PAPPA2: variants seen among roughly 807,000 people sequenced by gnomAD.
PAPPA2 encodes pappalysin 2, also known as pappalysin-2.
In PAPPA2, 86 loss-of-function variants were observed where a neutral mutation model predicts 176.4. The observed-to-expected ratio is 0.49, with a 90% CI of 0.41 to 0.58. The LOEUF is 0.58. Ranked by LOEUF, PAPPA2 falls within the 20% of genes least tolerant of loss-of-function variation. PAPPA2 has a pLI of 0.00. For synonymous variants in PAPPA2, 809 were observed against 852.2 expected, an observed-to-expected ratio of 0.95 and a Z score of 0.88; for missense variants, 2,073 against 2,256.9, an observed-to-expected ratio of 0.92 and a Z score of 1.65.
chr1:176,683,878 C>T (rs976974941), intron 4 of PAPPA2, among the ~76,000 whole-genome samples: 5 of 152,134 alleles, frequency 3.3e-5, no homozygotes, highest in African/African-American at 4.8e-5. Flanking sequence ...TTTCCCAGCT[C>T]GAAAGTCAAG....
At chr1:176,551,358 C>A (rs1650938120) in intron 1 of PAPPA2, among the ~76,000 whole-genome samples, 1 of 152,156 alleles carries the variant, frequency 6.6e-6, no homozygotes, top group Admixed American at 6.5e-5. Context: ...ATAGATTCCG[C>A]ATTTGGTTGT....
intron 6 of PAPPA2, among the ~76,000 whole-genome samples, chr1:176,693,191 G>A (rs1660203593): frequency 6.6e-6 from 1 of 152,176 alleles, no homozygotes; most frequent in Non-Finnish European, 1.5e-5. Context: ...GCTGTATTCT[G>A]AATGACGACA....
chr1:176,769,927 C>G (rs962203983), intron 16 of PAPPA2, 143 bp downstream of exon 16: 3 of 872,170 alleles, frequency 3.4e-6, no homozygotes, highest in Non-Finnish European at 5.1e-6. Flanking sequence ...CCAGAAAAGT[C>G]CCAAAAGGCA....
chr1:176,800,019 G>A (rs769879618), intron 20 of PAPPA2, 42 bp from the exon 21 acceptor site: 2 of 1,604,978 alleles, frequency 1.2e-6, no homozygotes, highest in Non-Finnish European at 1.7e-6. Flanking sequence ...CACAACAAAT[G>A]TCTTTAATTT....
intron 6 of PAPPA2, among the ~76,000 whole-genome samples, chr1:176,695,134 T>C (rs1394014181): frequency 6.6e-6 from 1 of 152,170 alleles, no homozygotes; most frequent in African/African-American, 2.4e-5. Context: ...GCGCTGGAAA[T>C]ATAAATCTCA....
At chr1:176,679,343 C>T (rs1274602338) in intron 4 of PAPPA2, among the ~76,000 whole-genome samples, 1 of 152,100 alleles carries the variant, frequency 6.6e-6, no homozygotes. Flanking sequence ...CTAAGATCTA[C>T]ATCCATGTTT....
In PAPPA2 at chr1:176,565,552, G is replaced by A. The variant is rs139830394; in HGVS notation, c.919+8311G>A. Among the ~76,000 whole-genome samples, 169 of 152,260 alleles carry A rather than the reference G, an allele frequency of 1.1e-3. 1 individual carries two copies. Among genetic ancestry groups the A allele is most frequent in the African/African-American group, 3.9e-3 (164 of 41,550 alleles). ...TCTACAAAACATACAAAAATTAGCC[G>A]GGTGTAGTGGCATGCACCTGCGGTC... On this transcript the variant is annotated intron_variant, in intron 2 of 22. Coordinates refer to ENST00000367662, the MANE Select transcript of PAPPA2 (RefSeq NM_020318.3).
intron 3 of PAPPA2, among the ~76,000 whole-genome samples, chr1:176,668,842 T>C (rs1298955304): frequency 6.6e-6 from 1 of 152,178 alleles, no homozygotes; most frequent in African/African-American, 2.4e-5. Context: ...TGAGTAACCA[T>C]ACCCAGTTTG....
intron 3 of PAPPA2, among the ~76,000 whole-genome samples, chr1:176,648,497 T>G (rs549457486): frequency 6.6e-6 from 1 of 151,726 alleles, no homozygotes; most frequent in East Asian, 1.9e-4. Flanking sequence ...AGAATGGGTA[T>G]CCTTTTCTTC....
chr1:176,676,789 T>A (rs1558512774), intron 4 of PAPPA2, among the ~76,000 whole-genome samples: 1 of 152,052 alleles, frequency 6.6e-6, no homozygotes, highest in East Asian at 1.9e-4. Context: ...CTGATAGACA[T>A]CTATGATCTC....
At chr1:176,470,174 GT>G (rs1442677348) in intron 1 of PAPPA2, among the ~76,000 whole-genome samples, 2 of 152,186 alleles carry the variant, frequency 1.3e-5, no homozygotes, top group Non-Finnish European at 2.9e-5. Context: ...AAGGTTCACA[GT>G]GGTGAAGGTC....
intron 3 of PAPPA2, among the ~76,000 whole-genome samples, chr1:176,660,663 T>A (rs1249351520): frequency 6.6e-6 from 1 of 152,064 alleles, no homozygotes; most frequent in Non-Finnish European, 1.5e-5. Context: ...GAGAGATCTA[T>A]CCAATATCCT....
chr1:176,480,526 T>A, intron 1 of PAPPA2, among the ~76,000 whole-genome samples: 1 of 151,618 alleles, frequency 6.6e-6, no homozygotes, highest in Non-Finnish European at 1.5e-5. Context: ...AAGTAGGTGG[T>A]GGGGCATGGA....
intron 3 of PAPPA2, among the ~76,000 whole-genome samples, chr1:176,630,930 A>G (rs1656301967): frequency 6.6e-6 from 1 of 152,216 alleles, no homozygotes; most frequent in Non-Finnish European, 1.5e-5. Flanking sequence ...CTGAGAGTAT[A>G]GCATGTCGAT....
At chr1:176,474,788 C>A (rs1341065918) in intron 1 of PAPPA2, among the ~76,000 whole-genome samples, 1 of 152,106 alleles carries the variant, frequency 6.6e-6, no homozygotes, top group Non-Finnish European at 1.5e-5. Flanking sequence ...TGTTTTCAAA[C>A]CTGAATTGTG....
intron 21 of PAPPA2, among the ~76,000 whole-genome samples, chr1:176,831,883 C>A (rs1667092766): frequency 6.6e-6 from 1 of 152,118 alleles, no homozygotes; most frequent in Non-Finnish European, 1.5e-5. Flanking sequence ...GCCAATTAGA[C>A]CATTTCTTTT....
intron 12 of PAPPA2, among the ~76,000 whole-genome samples, chr1:176,737,465 C>T (rs1439014708): frequency 1.3e-5 from 2 of 152,010 alleles, no homozygotes; most frequent in African/African-American, 2.4e-5. Flanking sequence ...TGTGAACATA[C>T]GTGGGGTCCG....
chr1:176,629,680 A>T (rs1177931401), intron 3 of PAPPA2, among the ~76,000 whole-genome samples: 2 of 152,304 alleles, frequency 1.3e-5, no homozygotes, highest in Middle Eastern at 3.4e-3. Context: ...ATAGGTTTTC[A>T]TTCATATATT....
chr1:176,645,162 A>G (rs1050119822), intron 3 of PAPPA2, among the ~76,000 whole-genome samples: 1 of 151,726 alleles, frequency 6.6e-6, no homozygotes, highest in Non-Finnish European at 1.5e-5. Context: ...TAGTCACTCT[A>G]CTGATCTTTC....
Sources: gnomAD v4.1 joint callset for allele counts (sites outside exome capture counted in the v4.1 genomes callset) on GRCh38, gnomAD v4.1.1 for gene constraint, MANE v1.5 for transcripts, NCBI Gene and HGNC (gene_info 2026-07-23, HGNC 2026-07-21) for gene names.